Variants in GFRA1 observed in about 807,000 individuals in gnomAD.
GFRA1 encodes the protein GDNF family receptor alpha-1.
In GFRA1, 16 loss-of-function variants were observed where a neutral mutation model predicts 51.6. The ratio of observed to expected loss-of-function variants is 0.31; its 90% CI spans 0.21 to 0.47. The LOEUF is 0.47. Among genes scored for constraint, GFRA1 ranks in the 20% least tolerant of loss-of-function variants. GFRA1 has a pLI of 1.00. For missense variants in GFRA1, 530 were observed against 594.3 expected (o/e 0.89, Z 1.13); for synonymous variants, 270 against 241.3 (o/e 1.12, Z -1.10).
intron 6 of GFRA1, among the ~76,000 whole-genome samples, chr10:116,108,280 A>T (rs1365562166): frequency 1.3e-5 from 2 of 152,198 alleles, no homozygotes; most frequent in Non-Finnish European, 2.9e-5. Context: ...CTTAGCAAAC[A>T]ACTAGTTCCT....
At chr10:116,273,723 C>T (rs1844120228), upstream of GFRA1, among the ~76,000 whole-genome samples, 1 of 152,088 alleles carries the variant, frequency 6.6e-6, no homozygotes, top group African/African-American at 2.4e-5. Flanking sequence ...CACACACACA[C>T]ATACACGGGC....
chr10:116,091,153 C>T (rs547680266), intron 8 of GFRA1, among the ~76,000 whole-genome samples: 59 of 152,288 alleles, frequency 3.9e-4, no homozygotes, highest in Non-Finnish European at 7.8e-4. Context: ...TTGCAACTAC[C>T]TGTGCTTTTC....
intron 5 of GFRA1, among the ~76,000 whole-genome samples, chr10:116,184,635 C>T (rs917343951): frequency 2.0e-5 from 3 of 152,224 alleles, no homozygotes; most frequent in Admixed American, 6.5e-5. Context: ...AGGTGGGCCT[C>T]CCGGCCAGCT....
intron 5 of GFRA1, among the ~76,000 whole-genome samples, chr10:116,137,240 G>C (rs776256391): frequency 4.6e-5 from 7 of 152,090 alleles, no homozygotes; most frequent in Non-Finnish European, 7.4e-5. Context: ...ACATTCTAAA[G>C]CCAAAGAATC....
At chr10:116,148,081 T>TGTGTGTGCATGC (rs1160568827) in intron 5 of GFRA1, among the ~76,000 whole-genome samples, 21 of 33,386 alleles carry the variant, frequency 6.3e-4, no homozygotes, top group South Asian at 1.2e-3. Context: ...TGTGCATGTG[T>TGTGTGTGCATGC]GTGTGTGCAT....
chr10:116,269,325 A>T (rs896330782), intron 4 of GFRA1, among the ~76,000 whole-genome samples, 178 bp downstream of exon 4: 1 of 152,218 alleles, frequency 6.6e-6, no homozygotes, highest in Non-Finnish European at 1.5e-5. Context: ...ATTACTTTCA[A>T]GTCATACAAT....
At chr10:116,132,363 T>A (rs928554777) in intron 5 of GFRA1, among the ~76,000 whole-genome samples, 3 of 152,116 alleles carry the variant, frequency 2.0e-5, no homozygotes, top group Non-Finnish European at 4.4e-5. Context: ...TGGGCGCTCA[T>A]ACAGCACATT....
rs1271509806 is a variant in GFRA1 at position 116,063,173 on chromosome 10, A to AGAT, written c.*1222_*1224dup. The AGAT allele has an allele frequency of 2.0e-5, 3 of 152,250 alleles. No homozygotes were observed. The highest frequency in any genetic ancestry group is 7.2e-5 in the African/African-American group (3 of 41,458). 9.4% of individuals were successfully genotyped at this position (152,250 alleles called of 1,614,324 possible). On this transcript the variant is annotated 3_prime_UTR_variant, in exon 11 of 11. Transcript: ENST00000355422. ...TGTCCCAATCAAAGCTGCCTTTGTCAGATAACCTGAAAACCAAGGTACTGG... is the reference window on the plus strand; with the variant it reads ...TGTCCCAATCAAAGCTGCCTTTGTCAGATGATAACCTGAAAACCAAGGTACTGG...
intron 4 of GFRA1, among the ~76,000 whole-genome samples, chr10:116,264,119 G>C (rs1181607240): frequency 1.3e-5 from 2 of 152,194 alleles, no homozygotes; most frequent in Non-Finnish European, 2.9e-5. Flanking sequence ...AGAGGCTGCA[G>C]TAGGAAGGAA....
rs193026973 is a variant in GFRA1, at chr10:116,269,090, C to T, written c.418+413G>A. ...TCAACAATCTAAGATTATCTTTGGG[C>T]GTCTTGTAAAGTAAGTGGCATAATC... On this transcript the variant is annotated intron_variant, in intron 4 of 10. Transcript: ENST00000355422. Among the ~76,000 whole-genome samples, 27 of 152,258 alleles carry T rather than the reference C, an allele frequency of 1.8e-4. 1 individual carries two copies. The East Asian group carries it at 4.4e-3, about 25-fold the overall frequency.
intron 5 of GFRA1, among the ~76,000 whole-genome samples, chr10:116,198,151 A>G (rs552508304): frequency 1.1e-4 from 16 of 152,290 alleles, no homozygotes; most frequent in African/African-American, 3.9e-4. Context: ...CAGGCTTCTG[A>G]TCGGAGTCTG....
chr10:116,196,556 TATACTATATATAATATATATAATATATA>T (rs1963781886), intron 5 of GFRA1, among the ~76,000 whole-genome samples: 2 of 87,554 alleles, frequency 2.3e-5, no homozygotes, highest in South Asian at 7.7e-4. Context: ...TATTTTTATA[TATACTATATATAATATATATAATATATA>T]GTACTATATA....
At chr10:116,097,607 A>G (rs1956654443) in intron 6 of GFRA1, among the ~76,000 whole-genome samples, 1 of 152,194 alleles carries the variant, frequency 6.6e-6, no homozygotes, top group Non-Finnish European at 1.5e-5. Context: ...TGAAGAGGAT[A>G]CTGTTGGAGA....
chr10:116,251,429 A>T (rs1968351963), intron 4 of GFRA1, among the ~76,000 whole-genome samples: 1 of 152,194 alleles, frequency 6.6e-6, no homozygotes, highest in Non-Finnish European at 1.5e-5. Flanking sequence ...GATGTATCAG[A>T]ATATCATACA....
chr10:116,162,722 T>C (rs1250447513), intron 5 of GFRA1, among the ~76,000 whole-genome samples: 1 of 152,210 alleles, frequency 6.6e-6, no homozygotes, highest in Non-Finnish European at 1.5e-5. Flanking sequence ...GTTGTGATGG[T>C]TGCACAACCT....
chr10:116,232,633 AG>A (rs1483439033), intron 4 of GFRA1, among the ~76,000 whole-genome samples: 75 of 152,360 alleles, frequency 4.9e-4, no homozygotes, highest in African/African-American at 1.7e-3. Flanking sequence ...TAGAGAGAAA[AG>A]GAGAATTGCA....
chr10:116,109,896 C>T (rs1376847321), intron 6 of GFRA1, among the ~76,000 whole-genome samples: 3 of 152,228 alleles, frequency 2.0e-5, no homozygotes, highest in East Asian at 1.9e-4. Flanking sequence ...ATCTCAGTCT[C>T]CCCCTGTATA....
rs1960487736 is a variant in GFRA1, at chr10:116,166,812, TTTG to T, written c.434-41258_434-41256del. ...TTTTTTTTTTTTTTTTTTTTTTTTT[TTTG>T]TTGAGACGGAGTCTCCCTCTGTGGC... On this transcript the variant is annotated intron_variant, in intron 5 of 10. Coordinates refer to ENST00000355422, the MANE Select transcript of GFRA1 (RefSeq NM_005264.8). Among the ~76,000 whole-genome samples the T allele has an allele frequency of 2.4e-3, 104 of 43,552 alleles. 8 individuals are homozygous for T. The highest frequency in any genetic ancestry group is 3.2e-3 in the African/African-American group (42 of 13,018). The allele number at this position is 43,552 out of a possible 152,430, so 28.6% of individuals were successfully genotyped here.
At chr10:116,234,464 G>A (rs1185662057) in intron 4 of GFRA1, among the ~76,000 whole-genome samples, 1 of 152,184 alleles carries the variant, frequency 6.6e-6, no homozygotes, top group Non-Finnish European at 1.5e-5. Context: ...CACAGCAAAA[G>A]AGACCTCACT....
Sources: allele counts gnomAD v4.1 joint callset (sites outside exome capture counted in the v4.1 genomes callset), GRCh38; gene constraint gnomAD v4.1.1; transcripts MANE v1.5; gene names NCBI Gene and HGNC (gene_info 2026-07-23, HGNC 2026-07-21).